GALNTL6: variants seen among roughly 807,000 people sequenced by gnomAD.
The protein encoded by GALNTL6 is polypeptide N-acetylgalactosaminyltransferase like 6.
Under a neutral mutation model 73.7 loss-of-function variants are expected in GALNTL6, and 46 were observed. The observed-to-expected ratio is 0.62, with a 90% CI of 0.49 to 0.80. GALNTL6 has a LOEUF of 0.80. GALNTL6 is among the 30% of genes least tolerant of loss of function. GALNTL6 has a pLI of 0.00. For missense variants in GALNTL6, 604 were observed against 755.0 expected (o/e 0.80, Z 2.34); for synonymous variants, 259 against 263.7 (o/e 0.98, Z 0.17).
At chr4:172,379,041 A>T (rs1035865773) in intron 5 of GALNTL6, among the ~76,000 whole-genome samples, 13 of 152,210 alleles carry the variant, frequency 8.5e-5, no homozygotes, top group African/African-American at 3.1e-4. Flanking sequence ...TAAGACTTAC[A>T]GAAGTTTCCA....
rs190899147 is a variant in GALNTL6, at chr4:172,219,434, C to A, written c.139-10222C>A. On this transcript the variant is annotated intron_variant, in intron 2 of 12. Coordinates refer to ENST00000506823, the MANE Select transcript of GALNTL6 (RefSeq NM_001034845.3). Reference sequence around the variant, plus strand: ...TCTCAACATTTATTAATATGCCATTCAATTCCTATATTTATGTTCTATAAA... The same window carrying A: ...TCTCAACATTTATTAATATGCCATTAAATTCCTATATTTATGTTCTATAAA... Among the ~76,000 whole-genome samples the A allele has an allele frequency of 1.1e-3, 160 of 151,578 alleles. 2 individuals carry two copies. In the East Asian group the frequency reaches 0.025, roughly 24 times the overall value.
chr4:172,994,928 T>A (rs1013840507), intron 10 of GALNTL6, among the ~76,000 whole-genome samples: 2 of 152,330 alleles, frequency 1.3e-5, no homozygotes, highest in African/African-American at 4.8e-5. Context: ...TTAGACCATA[T>A]TTTCAACCTG....
chr4:172,993,903 C>T (rs1354102465), intron 10 of GALNTL6, among the ~76,000 whole-genome samples: 1 of 152,158 alleles, frequency 6.6e-6, no homozygotes, highest in Non-Finnish European at 1.5e-5. Context: ...GCCTGGGCAA[C>T]AGCAGAGAAA....
intron 2 of GALNTL6, among the ~76,000 whole-genome samples, chr4:172,075,005 A>G (rs928264536): frequency 6.6e-6 from 1 of 152,214 alleles, no homozygotes; most frequent in Non-Finnish European, 1.5e-5. Context: ...CATATTATAG[A>G]CAATCCTGCA....
chr4:171,964,958 G>A (rs1173632167), intron 2 of GALNTL6, among the ~76,000 whole-genome samples: 2 of 152,218 alleles, frequency 1.3e-5, no homozygotes, highest in African/African-American at 4.8e-5. Context: ...CCTTCTCATG[G>A]ATTTCAGTGA....
At chr4:171,884,913 T>G (rs1271247237) in intron 2 of GALNTL6, among the ~76,000 whole-genome samples, 4 of 151,800 alleles carry the variant, frequency 2.6e-5, no homozygotes, top group Non-Finnish European at 5.9e-5. Flanking sequence ...AAAAATTAGC[T>G]GAGTGTGGTG....
At chr4:172,121,374 A>G (rs1733147316) in intron 2 of GALNTL6, among the ~76,000 whole-genome samples, 1 of 151,936 alleles carries the variant, frequency 6.6e-6, no homozygotes, top group South Asian at 2.1e-4. Context: ...GCATTCATAT[A>G]TAAGAACCCT....
At chr4:172,424,843 T>C (rs1020434338) in intron 5 of GALNTL6, among the ~76,000 whole-genome samples, 4 of 152,214 alleles carry the variant, frequency 2.6e-5, no homozygotes, top group Admixed American at 2.6e-4. Flanking sequence ...AAAGTATGTG[T>C]TCAGAAAGAA....
intron 9 of GALNTL6, among the ~76,000 whole-genome samples, chr4:172,945,915 TGA>T (rs776294642): frequency 2.6e-4 from 40 of 152,230 alleles, no homozygotes; most frequent in Admixed American, 5.2e-4. Context: ...ATATTATCAA[TGA>T]TAAAAGGGCT....
At chr4:172,249,031 G>A (rs912187356) in intron 3 of GALNTL6, among the ~76,000 whole-genome samples, 3 of 152,198 alleles carry the variant, frequency 2.0e-5, no homozygotes, top group African/African-American at 7.2e-5. Context: ...AAATGTGAAA[G>A]TGACTTTGGA....
At chr4:172,138,470 G>T in intron 2 of GALNTL6, among the ~76,000 whole-genome samples, 1 of 51,528 alleles carries the variant, frequency 1.9e-5, no homozygotes, top group Non-Finnish European at 3.4e-5. Flanking sequence ...TAATTTACTT[G>T]GACTGCCTAT....
At chr4:171,966,366 T>C (rs1739381192) in intron 2 of GALNTL6, among the ~76,000 whole-genome samples, 1 of 152,176 alleles carries the variant, frequency 6.6e-6, no homozygotes, top group Admixed American at 6.5e-5. Context: ...GAATTGAGTC[T>C]TGGTGAATGA....
intron 2 of GALNTL6, among the ~76,000 whole-genome samples, chr4:171,852,649 T>G (rs1735552323): frequency 6.6e-6 from 1 of 152,106 alleles, no homozygotes; most frequent in Admixed American, 6.5e-5. Context: ...CTTCACAAAT[T>G]AAGAAAACCC....
In GALNTL6 at chr4:173,027,443, T is replaced by C. The variant is rs17059094; in HGVS notation, c.1638+5818T>C. Among the ~76,000 whole-genome samples the C allele has an allele frequency of 3.5e-3, 532 of 152,352 alleles. 5 individuals carry two copies. Among genetic ancestry groups the C allele is most frequent in the African/African-American group, 0.012 (507 of 41,584 alleles). On this transcript the variant is annotated intron_variant, in intron 12 of 12. Transcript: ENST00000506823. The stretch of plus-strand genomic sequence containing the variant: ...CACTGCACTGAAGTGACGCTTTTAT[T>C]GTAAGTCAAGAGGTCTTATATACAC...
At chr4:171,983,710 A>G (rs187914323) in intron 2 of GALNTL6, among the ~76,000 whole-genome samples, 2 of 152,104 alleles carry the variant, frequency 1.3e-5, no homozygotes, top group African/African-American at 2.4e-5. Flanking sequence ...TTGTAAGTTA[A>G]GTCATTGGGA....
intron 10 of GALNTL6, among the ~76,000 whole-genome samples, chr4:173,005,205 G>T (rs775938501): frequency 6.6e-6 from 1 of 152,038 alleles, no homozygotes; most frequent in South Asian, 2.1e-4. Flanking sequence ...AGATTATCTC[G>T]GTAATTCCTG....
intron 7 of GALNTL6, among the ~76,000 whole-genome samples, chr4:172,825,621 A>C (rs928184250): frequency 7.2e-5 from 11 of 152,284 alleles, no homozygotes; most frequent in African/African-American, 2.2e-4. Context: ...AAGGCCTTCT[A>C]GAAGTGGTAC....
intron 2 of GALNTL6, among the ~76,000 whole-genome samples, chr4:172,142,827 TA>T (rs1407993344): frequency 1.3e-5 from 2 of 152,032 alleles, no homozygotes; most frequent in Non-Finnish European, 2.9e-5. Flanking sequence ...AAGAAATGGT[TA>T]ACCAGGGGGA....
intron 5 of GALNTL6, chr4:172,669,131 A>T (rs1731832968): frequency 6.6e-6 from 1 of 152,254 alleles, no homozygotes; most frequent in African/African-American, 2.4e-5. Context: ...ACTTAACTCC[A>T]TTAGCACCCA....
Sources: allele counts gnomAD v4.1 joint callset (sites outside exome capture counted in the v4.1 genomes callset), GRCh38; gene constraint gnomAD v4.1.1; transcripts MANE v1.5; gene names NCBI Gene and HGNC (gene_info 2026-07-23, HGNC 2026-07-21).